Variants in KPNA5 observed in about 807,000 individuals in gnomAD.
KPNA5 encodes the protein importin subunit alpha-6.
In KPNA5, 46 loss-of-function variants were observed where a neutral mutation model predicts 71.3. That is an observed-to-expected ratio of 0.65 (90% CI 0.51 to 0.83). KPNA5 has a LOEUF of 0.83. Ranked by LOEUF, KPNA5 falls within the 40% of genes least tolerant of loss-of-function variation. The pLI is 0.00. For synonymous variants in KPNA5, 207 were observed against 201.4 expected (o/e 1.03, Z -0.24); for missense variants, 547 against 628.3 (o/e 0.87, Z 1.38).
At chr6:116,703,189 CATT>C (rs1238544402) in intron 6 of KPNA5, among the ~76,000 whole-genome samples, 1 of 151,626 alleles carries the variant, frequency 6.6e-6, no homozygotes, top group African/African-American at 2.4e-5. Flanking sequence ...TGATGAATAT[CATT>C]ATATGTCATC....
intron 13 of KPNA5, among the ~76,000 whole-genome samples, chr6:116,730,523 T>G (rs191584477): frequency 3.9e-4 from 60 of 152,282 alleles, no homozygotes; most frequent in Admixed American, 1.8e-3. Context: ...TATGTTTATT[T>G]CTTTTATGGA....
At chr6:116,715,894 G>A (rs1283295218) in intron 7 of KPNA5, among the ~76,000 whole-genome samples, 1 of 151,244 alleles carries the variant, frequency 6.6e-6, no homozygotes, top group East Asian at 1.9e-4. Context: ...CAGCATGGGT[G>A]ACAGAGTGAG....
intron 4 of KPNA5, among the ~76,000 whole-genome samples, chr6:116,695,977 C>G (rs1254340692): frequency 6.6e-6 from 1 of 152,010 alleles, no homozygotes; most frequent in Non-Finnish European, 1.5e-5. Context: ...GAAGAATTTT[C>G]TACCCCTTTC....
At position 116,738,878 on chromosome 6, in the gene KPNA5, A is replaced by G. The variant is rs1007263284; in HGVS notation, c.*6555A>G. 3.3e-5 allele frequency: 5 copies of G among 151,990 alleles called. No homozygotes were observed. The highest frequency in any genetic ancestry group is 5.9e-5 in the Non-Finnish European group (4 of 67,980). The allele number at this position is 151,990 out of a possible 1,614,324, so 9.4% of individuals were successfully genotyped here. ...CAAATAATAAGAGCTATCTATGACAAACCCACAGCCAATATCATACTGAAT... is the reference window on the plus strand; with the variant it reads ...CAAATAATAAGAGCTATCTATGACAGACCCACAGCCAATATCATACTGAAT... On this transcript the variant is annotated 3_prime_UTR_variant, in exon 14 of 14. Transcript: ENST00000368564.
At chr6:116,721,880 CAA>C (rs1440676449) in intron 8 of KPNA5, among the ~76,000 whole-genome samples, 8 of 152,030 alleles carry the variant, frequency 5.3e-5, no homozygotes, top group African/African-American at 1.4e-4. Context: ...TAGACACAGA[CAA>C]GAGATCTCAA....
chr6:116,722,147 C>T lies in KPNA5; in HGVS notation c.778C>T (p.Leu260=). The stretch of plus-strand genomic sequence containing the variant: ...ACAGGTTTCACCTTGCTTAAATGTC[C>T]TGTCACGACTGTTGTTTAGCAGTGA... The part of the protein sequence containing the change: ...FSKVSPCLNV[L]SRLLFSSDPD... The change falls in exon 9 of 14, where the codon CTG becomes TTG. Residue 260 remains leucine (L), a synonymous_variant. Coordinates refer to ENST00000368564, the MANE Select transcript of KPNA5 (RefSeq NM_001366306.2). 1.9e-6 allele frequency: 3 copies of T among 1,588,344 alleles called. No individual in the cohort carries two copies. Among genetic ancestry groups the T allele is most frequent in the Non-Finnish European group, 2.6e-6 (3 of 1,166,460 alleles).
rs1412320872 is a variant in KPNA5 at position 116,736,694 on chromosome 6, A to C, written c.*4371A>C. ...ATTATTTAAACATTTTTTCATTTCC[A>C]ATTCCGCTTATATTAGTCTGCCTGA... On this transcript the variant is annotated 3_prime_UTR_variant, in exon 14 of 14. Transcript: ENST00000368564. 6.6e-6 allele frequency: 1 copy of C among 151,950 alleles called. No individual in the cohort carries two copies. The highest frequency in any genetic ancestry group is 2.4e-5 in the African/African-American group (1 of 41,420). 9.4% of individuals were successfully genotyped at this position (151,950 alleles called of 1,614,324 possible). A position where few individuals can be genotyped will look rare whatever the true frequency, so the allele number is the denominator to read the frequency against.
rs1252376434 is a variant in KPNA5, at chr6:116,739,006, A to C, written c.*6683A>C. ...AGTGTTGGAAGTTCTGGCCAGGGCA[A>C]TTAGGCAGGAGAAGGAAATAAAGGG... is the stretch of plus-strand genomic sequence containing the variant. On this transcript the variant is annotated 3_prime_UTR_variant, in exon 14 of 14. Coordinates refer to ENST00000368564, the MANE Select transcript of KPNA5 (RefSeq NM_001366306.2). 6 of 151,864 alleles carry C rather than the reference A, an allele frequency of 4.0e-5. No individual in the cohort carries two copies. The East Asian group carries it at 9.7e-4, about 25-fold the overall frequency. 9.4% of individuals were successfully genotyped at this position (151,864 alleles called of 1,614,324 possible). A position where few individuals can be genotyped will look rare whatever the true frequency, so the allele number is the denominator to read the frequency against.
chr6:116,724,625 C>G (rs1779230305), intron 10 of KPNA5, among the ~76,000 whole-genome samples: 1 of 152,078 alleles, frequency 6.6e-6, no homozygotes, highest in Admixed American at 6.6e-5. Context: ...GGATATTGCT[C>G]TTTCTCCTAG....
rs1778252497 is a variant in KPNA5 at position 116,702,088 on chromosome 6, A to G, written c.505A>G (p.Thr169Ala). The change falls in exon 6 of 14, where the codon ACT becomes GCT. Residue 169 changes from threonine to alanine, a missense_variant. Coordinates refer to ENST00000368564, the MANE Select transcript of KPNA5 (RefSeq NM_001366306.2). Reference sequence around the variant, plus strand: ...TCTGCATACCAAGGTAGTGATTGAAACTGGGGCTGTTCCGATTTTTATCAA... The same window carrying G: ...TCTGCATACCAAGGTAGTGATTGAAGCTGGGGCTGTTCCGATTTTTATCAA... ...TFLHTKVVIE[T>A]GAVPIFIKLL... The G allele has an allele frequency of 3.1e-6, 5 of 1,613,970 alleles. No individual in the cohort carries two copies. In the East Asian group the frequency reaches 1.1e-4, roughly 36 times the overall value.
intron 7 of KPNA5, among the ~76,000 whole-genome samples, chr6:116,705,484 G>A (rs1778406214): frequency 6.6e-6 from 1 of 152,040 alleles, no homozygotes; most frequent in African/African-American, 2.4e-5. Flanking sequence ...CTTAATACTT[G>A]AACAGACAGT....
In KPNA5 at chr6:116,733,065, G is replaced by T. The variant is rs184596107; in HGVS notation, c.*742G>T. 1.4e-3 allele frequency: 209 copies of T among 151,702 alleles called. 1 individual carries two copies. Among genetic ancestry groups the T allele is most frequent in the African/African-American group, 4.5e-3 (187 of 41,470 alleles). The allele number at this position is 151,702 out of a possible 1,614,324, so 9.4% of individuals were successfully genotyped here. The stretch of plus-strand genomic sequence containing the variant: ...TAACATATAAGTGCTATGTATATTA[G>T]TATATTTTGTATTTCAACCAAATAT... On this transcript the variant is annotated 3_prime_UTR_variant, in exon 14 of 14. Transcript: ENST00000368564.
In KPNA5 at chr6:116,711,012, C is replaced by T. The variant is rs183593217; in HGVS notation, c.657-5207C>T. Reference sequence around the variant, plus strand: ...CGGGTTCAAGCGATTCTTTCACCTCCGCCTCCCAAGTAGCTGGGATTACAG... The same window carrying T: ...CGGGTTCAAGCGATTCTTTCACCTCTGCCTCCCAAGTAGCTGGGATTACAG... On this transcript the variant is annotated intron_variant, in intron 7 of 13. Transcript: ENST00000368564. 4.4e-4 allele frequency among the ~76,000 whole-genome samples: 66 copies of T among 150,038 alleles called. 1 individual carries two copies. The East Asian group carries it at 0.012, about 27-fold the overall frequency.
intron 12 of KPNA5, 151 bp from the exon 13 acceptor site, chr6:116,729,412 G>A (rs905455052): frequency 2.2e-6 from 1 of 450,290 alleles, no homozygotes; most frequent in Non-Finnish European, 3.8e-6. Flanking sequence ...TTAAATGTGT[G>A]TAATGTTTGC....
Position 116,737,100 on chromosome 6 carries a change from ATTTG to A in KPNA5, c.*4780_*4783del, listed in dbSNP as rs1032730501. 6 of 151,866 alleles carry A rather than the reference ATTTG, an allele frequency of 4.0e-5. No individual in the cohort carries two copies. Among genetic ancestry groups the A allele is most frequent in the East Asian group, 3.9e-4 (2 of 5,174 alleles). 9.4% of individuals were successfully genotyped at this position (151,866 alleles called of 1,614,324 possible). A position where few individuals can be genotyped will look rare whatever the true frequency, so the allele number is the denominator to read the frequency against. On this transcript the variant is annotated 3_prime_UTR_variant, in exon 14 of 14. Transcript: ENST00000368564. ...CATGTTTGGATATTGAATTTCCCAT[ATTTG>A]TTCTTCTTAACACAAGTTACTAGGG...
chr6:116,699,652 A>G lies in KPNA5; in HGVS notation c.435+854A>G, dbSNP rs114886779. On this transcript the variant is annotated intron_variant, in intron 5 of 13. Transcript: ENST00000368564. ...GAGAATGTTTACAATAAGGGTCTCT[A>G]AGAGGCTACTTTAGTCATGTTACAG... 1.9e-3 allele frequency among the ~76,000 whole-genome samples: 284 copies of G among 152,306 alleles called. 2 individuals are homozygous for G. Among genetic ancestry groups the G allele is most frequent in the African/African-American group, 6.6e-3 (276 of 41,576 alleles).
Position 116,739,923 on chromosome 6 carries a change from G to A in KPNA5, c.*7600G>A, listed in dbSNP as rs1448733343. On this transcript the variant is annotated 3_prime_UTR_variant, in exon 14 of 14. Transcript: ENST00000368564. ...AAGAAAACCTAGGCATTACCATTCA[G>A]GACATAGGGATGGGCAAGGACTTCA... 1 of 151,786 alleles carries A rather than the reference G, an allele frequency of 6.6e-6. No individual in the cohort carries two copies. The highest frequency in any genetic ancestry group is 1.5e-5 in the Non-Finnish European group (1 of 67,988). The allele number at this position is 151,786 out of a possible 1,614,324, so 9.4% of individuals were successfully genotyped here.
At chr6:116,718,062 A>G (rs1778957082) in intron 8 of KPNA5, among the ~76,000 whole-genome samples, 1 of 152,010 alleles carries the variant, frequency 6.6e-6, no homozygotes, top group African/African-American at 2.4e-5. Context: ...TAAAGATGTA[A>G]TGTGATAATT....
rs1338571057 is a variant in KPNA5 at position 116,739,917 on chromosome 6, C to T, written c.*7594C>T. 1 of 151,838 alleles carries T rather than the reference C, an allele frequency of 6.6e-6. No individual in the cohort carries two copies. The highest frequency in any genetic ancestry group is 6.6e-5 in the Admixed American group (1 of 15,226). The allele number at this position is 151,838 out of a possible 1,614,324, so 9.4% of individuals were successfully genotyped here. Reference sequence around the variant, plus strand: ...CCCTAGAAGAAAACCTAGGCATTACCATTCAGGACATAGGGATGGGCAAGG... The same window carrying T: ...CCCTAGAAGAAAACCTAGGCATTACTATTCAGGACATAGGGATGGGCAAGG... On this transcript the variant is annotated 3_prime_UTR_variant, in exon 14 of 14. Transcript: ENST00000368564.
Sources: gnomAD v4.1 joint callset for allele counts (sites outside exome capture counted in the v4.1 genomes callset) on GRCh38, gnomAD v4.1.1 for gene constraint, MANE v1.5 for transcripts, NCBI Gene and HGNC (gene_info 2026-07-23, HGNC 2026-07-21) for gene names.